Variants in GOLM1 observed in about 807,000 individuals in gnomAD.
GOLM1 encodes the protein golgi membrane protein 1.
GOLM1 carries 31 observed loss-of-function variants against 50.5 expected under a neutral mutation model. The observed-to-expected ratio is 0.61, with a 90% CI of 0.46 to 0.83. GOLM1 has a LOEUF of 0.83. Ranked by LOEUF, GOLM1 falls within the 40% of genes least tolerant of loss-of-function variation. The pLI is 0.00. For synonymous variants in GOLM1, 178 were observed against 192.8 expected (o/e 0.92, Z 0.64); for missense variants, 491 against 501.3 (o/e 0.98, Z 0.20).
At chr9:86,029,802 T>C (rs1832913607) in intron 9 of GOLM1, among the ~76,000 whole-genome samples, 1 of 152,228 alleles carries the variant, frequency 6.6e-6, no homozygotes, top group South Asian at 2.1e-4. Flanking sequence ...ACCTACTTAC[T>C]TTGTTTAAAA....
In GOLM1 at chr9:86,035,395, C is replaced by T. The variant is rs1355575219; in HGVS notation, c.988G>A (p.Glu330Lys). Residue 330 changes from glutamate to lysine, a missense_variant, in exon 8 of 10, where the codon GAG becomes AAG. Physicochemically the swap from Glu to Lys is moderately conservative, Grantham distance 56. Transcript: ENST00000388712. Reference protein sequence around the residue: ...RDQLVIPDGQEEEQEAAGEGR... With the variant: ...RDQLVIPDGQKEEQEAAGEGR... ...TCCCCGGCAGCTTCCTGCTCCTCCTCCTGTCCGTCGGGGATGACAAGCTGG... is the reference window on the plus strand; with the variant it reads ...TCCCCGGCAGCTTCCTGCTCCTCCTTCTGTCCGTCGGGGATGACAAGCTGG... 6.2e-7 allele frequency: 1 copy of T among 1,613,910 alleles called. No individual in the cohort carries two copies. Among genetic ancestry groups the T allele is most frequent in the African/African-American group, 1.3e-5 (1 of 74,912 alleles).
intron 9 of GOLM1, among the ~76,000 whole-genome samples, chr9:86,030,058 A>G (rs538247270): frequency 5.3e-5 from 8 of 152,056 alleles, no homozygotes; most frequent in Non-Finnish European, 1.0e-4. Flanking sequence ...CTGAAAATAC[A>G]AAATTAGCTG....
At chr9:86,098,925 C>G (rs1238759764) in intron 1 of GOLM1, among the ~76,000 whole-genome samples, 1 of 152,276 alleles carries the variant, frequency 6.6e-6, no homozygotes, top group Middle Eastern at 3.4e-3. Flanking sequence ...GCGGCCGGAG[C>G]GCGCCTGGGG....
intron 4 of GOLM1, among the ~76,000 whole-genome samples, chr9:86,051,114 G>T (rs1204007306): frequency 6.6e-6 from 1 of 152,000 alleles, no homozygotes; most frequent in African/African-American, 2.4e-5. Context: ...CCTTCATTTA[G>T]TTATGTACCC....
chr9:86,041,396 T>C (rs1371060770), intron 5 of GOLM1, among the ~76,000 whole-genome samples: 1 of 151,512 alleles, frequency 6.6e-6, no homozygotes, highest in Middle Eastern at 3.2e-3. Context: ...AAGGGAGGAG[T>C]GGAGATTGAG....
chr9:86,098,810 C>G (rs1018803206), intron 1 of GOLM1, among the ~76,000 whole-genome samples: 5 of 152,326 alleles, frequency 3.3e-5, no homozygotes, highest in African/African-American at 1.2e-4. Context: ...CCCGAGCATC[C>G]ACGAGAACGG....
intron 1 of GOLM1, among the ~76,000 whole-genome samples, chr9:86,083,315 T>C (rs553995529): frequency 3.9e-4 from 59 of 152,376 alleles, no homozygotes; most frequent in African/African-American, 1.4e-3. Context: ...TTAAGCCATA[T>C]GTTTAGGAAC....
intron 3 of GOLM1, among the ~76,000 whole-genome samples, chr9:86,064,465 C>T (rs1479990355): frequency 6.6e-6 from 1 of 152,200 alleles, no homozygotes; most frequent in Non-Finnish European, 1.5e-5. Flanking sequence ...TCATCCTACT[C>T]CTGCCCAAAT....
In GOLM1 at chr9:86,026,942, G is replaced by A. The variant is rs904075516; in HGVS notation, c.*875C>T. ...TGTTTTCTTTTACTCCAGTAATAAA[G>A]TAGGCACAGATCTGTCCACAACAAA... On this transcript the variant is annotated 3_prime_UTR_variant, in exon 10 of 10. Coordinates refer to ENST00000388712, the MANE Select transcript of GOLM1 (RefSeq NM_016548.4). 2 of 985,062 alleles carry A rather than the reference G, an allele frequency of 2.0e-6. No homozygotes were observed. The highest frequency in any genetic ancestry group is 2.4e-6 in the Non-Finnish European group (2 of 829,732). 61.0% of individuals were successfully genotyped at this position (985,062 alleles called of 1,614,324 possible). A position where few individuals can be genotyped will look rare whatever the true frequency, so the allele number is the denominator to read the frequency against.
intron 3 of GOLM1, among the ~76,000 whole-genome samples, chr9:86,077,089 A>G (rs1364754997): frequency 6.6e-6 from 1 of 152,170 alleles, no homozygotes; most frequent in East Asian, 1.9e-4. Context: ...GGCCTGGCAC[A>G]GAGTAGGTAT....
chr9:86,093,959 G>A (rs11141230), intron 1 of GOLM1, among the ~76,000 whole-genome samples: 2 of 152,232 alleles, frequency 1.3e-5, no homozygotes, highest in Admixed American at 6.5e-5. Flanking sequence ...CTCCTTCTCA[G>A]AGGAATGGCC....
rs746295734 is a variant in GOLM1, at chr9:86,036,323, A to AGGGC, written c.757+21_757+24dup. 3.7e-6 allele frequency: 6 copies of AGGGC among 1,613,348 alleles called. No homozygotes were observed. In the African/African-American group the frequency reaches 8.0e-5, roughly 22 times the overall value. On this transcript the variant is annotated intron_variant, in intron 7 of 9. Transcript: ENST00000388712. The stretch of plus-strand genomic sequence containing the variant: ...GATGGGGCTCTGGAGAGCTGGGAAC[A>AGGGC]GGGCAACTGCTGGGCTCTGCTTACC...
At position 86,073,190 on chromosome 9, in the gene GOLM1, A is replaced by G. The variant is rs1483646033; in HGVS notation, c.309+4222T>C. Among the ~76,000 whole-genome samples the G allele has an allele frequency of 2.0e-5, 3 of 152,170 alleles. No homozygotes were observed. The East Asian group carries it at 5.8e-4, about 29-fold the overall frequency. On this transcript the variant is annotated intron_variant, in intron 3 of 9. Transcript: ENST00000388712. ...GATCTCAATCACCGGTTTCTAGATC[A>G]GCTAGCTGCATCACAGTGGTCTGGA...
At chr9:86,068,654 T>C (rs1834372074) in intron 3 of GOLM1, among the ~76,000 whole-genome samples, 1 of 152,242 alleles carries the variant, frequency 6.6e-6, no homozygotes, top group Admixed American at 6.5e-5. Context: ...AGACAACCCG[T>C]TCCCACTGAG....
chr9:86,071,885 GTACCT>G (rs1269611855), intron 3 of GOLM1, among the ~76,000 whole-genome samples: 5 of 152,154 alleles, frequency 3.3e-5, no homozygotes, highest in Admixed American at 2.0e-4. Flanking sequence ...TATACTCACT[GTACCT>G]TCTCTCAAGG....
intron 3 of GOLM1, among the ~76,000 whole-genome samples, chr9:86,072,487 G>A (rs752368282): frequency 1.3e-5 from 2 of 152,204 alleles, no homozygotes; most frequent in African/African-American, 2.4e-5. Flanking sequence ...TGAGGACCTC[G>A]AGATCCACGT....
chr9:86,076,909 G>C (rs948900256), intron 3 of GOLM1, among the ~76,000 whole-genome samples: 13 of 151,764 alleles, frequency 8.6e-5, no homozygotes, highest in Admixed American at 7.9e-4. Context: ...TAGCAGGAAG[G>C]CCCCTTTAAA....
intron 1 of GOLM1, among the ~76,000 whole-genome samples, chr9:86,082,322 A>G (rs191315591): frequency 9.9e-5 from 15 of 151,064 alleles, no homozygotes; most frequent in Admixed American, 4.0e-4. Flanking sequence ...CACCGTGCCC[A>G]GCCTGACACT....
At chr9:86,064,968 T>C (rs1834265844) in intron 3 of GOLM1, among the ~76,000 whole-genome samples, 1 of 152,174 alleles carries the variant, frequency 6.6e-6, no homozygotes, top group East Asian at 1.9e-4. Flanking sequence ...TACTGGAGGC[T>C]AGAATGTGGA....
Sources: allele counts gnomAD v4.1 joint callset (sites outside exome capture counted in the v4.1 genomes callset), GRCh38; gene constraint gnomAD v4.1.1; transcripts MANE v1.5; gene names NCBI Gene and HGNC (gene_info 2026-07-23, HGNC 2026-07-21).